The following IGSF11 variants were observed in gnomAD, a reference collection of about 807,000 sequenced individuals.
IGSF11 encodes the protein CXADR like 1.
A neutral mutation model predicts 41.0 loss-of-function variants in IGSF11; 22 were observed. The ratio of observed to expected loss-of-function variants is 0.54; its 90% CI spans 0.38 to 0.77. IGSF11 has a LOEUF of 0.77. Ranked by LOEUF, IGSF11 falls within the 30% of genes least tolerant of loss-of-function variation. The pLI, the probability that IGSF11 is intolerant of heterozygous loss-of-function variation, is 0.00. For synonymous variants in IGSF11, 219 were observed against 201.3 expected (o/e 1.09, Z -0.74); for missense variants, 444 against 530.8 (o/e 0.84, Z 1.61).
At chr3:118,947,589 G>A (rs1029811364) in intron 1 of IGSF11, 15 of 152,090 alleles carry the variant, frequency 9.9e-5, no homozygotes, top group African/African-American at 2.7e-4. Flanking sequence ...ATTTTCATGT[G>A]AGCGTTTTGA....
chr3:119,129,284 CT>C (rs976448378), intron 1 of IGSF11, among the ~76,000 whole-genome samples: 13 of 151,990 alleles, frequency 8.6e-5, no homozygotes, highest in Admixed American at 7.2e-4. Flanking sequence ...TATCCCGTTT[CT>C]TTTTTAGAAG....
intron 1 of IGSF11, among the ~76,000 whole-genome samples, chr3:119,095,887 T>C (rs1360498522): frequency 2.0e-5 from 3 of 152,200 alleles, no homozygotes. Flanking sequence ...CTTTCATTCT[T>C]GGTATACCCA....
intron 1 of IGSF11, among the ~76,000 whole-genome samples, chr3:118,944,368 C>G (rs1206820780): frequency 1.3e-5 from 2 of 151,682 alleles, no homozygotes; most frequent in South Asian, 4.2e-4. Flanking sequence ...TCTTACAGTA[C>G]TTTCTTCCAC....
chr3:119,114,255 G>T (rs1267094281), intron 1 of IGSF11, among the ~76,000 whole-genome samples: 1 of 152,264 alleles, frequency 6.6e-6, no homozygotes, highest in East Asian at 1.9e-4. Context: ...CCAGAAAATG[G>T]GTTTTTCCTT....
intron 1 of IGSF11, among the ~76,000 whole-genome samples, chr3:119,066,213 TC>T (rs1209936725): frequency 1.3e-5 from 2 of 152,168 alleles, no homozygotes; most frequent in African/African-American, 2.4e-5. Context: ...ATCTCAAAAT[TC>T]TTAATTAAAT....
chr3:119,144,143 T>C (rs2077687417), intron 1 of IGSF11, among the ~76,000 whole-genome samples: 1 of 152,080 alleles, frequency 6.6e-6, no homozygotes, highest in African/African-American at 2.4e-5. Context: ...CTCAACCTCC[T>C]GGTCTCAAGC....
intron 1 of IGSF11, among the ~76,000 whole-genome samples, chr3:119,111,104 G>A (rs1408262506): frequency 1.1e-4 from 16 of 151,914 alleles, no homozygotes; most frequent in South Asian, 2.1e-4. Flanking sequence ...TCTTTATGGC[G>A]TTCTCTGTAT....
At chr3:119,017,209 G>A (rs1204014971) in intron 1 of IGSF11, among the ~76,000 whole-genome samples, 1 of 152,286 alleles carries the variant, frequency 6.6e-6, no homozygotes, top group East Asian at 1.9e-4. Flanking sequence ...GATACCTTCT[G>A]AGAAATGTAT....
At chr3:119,008,039 C>A (rs756491599) in intron 1 of IGSF11, among the ~76,000 whole-genome samples, 6 of 152,032 alleles carry the variant, frequency 3.9e-5, no homozygotes, top group Non-Finnish European at 5.9e-5. Flanking sequence ...CCATTCACTC[C>A]CCTCTACAGA....
At chr3:119,067,251 T>G (rs993609815) in intron 1 of IGSF11, among the ~76,000 whole-genome samples, 1 of 152,174 alleles carries the variant, frequency 6.6e-6, no homozygotes, top group African/African-American at 2.4e-5. Context: ...CGGAGCTGGG[T>G]TGGAGCTGAG....
At chr3:118,923,489 A>G (rs559650661) in intron 4 of IGSF11, among the ~76,000 whole-genome samples, 1 of 152,178 alleles carries the variant, frequency 6.6e-6, no homozygotes, top group African/African-American at 2.4e-5. Context: ...TATAGTTTAT[A>G]TTGTTTCATC....
intron 1 of IGSF11, among the ~76,000 whole-genome samples, chr3:119,138,846 T>A (rs1375725508): frequency 6.6e-6 from 1 of 151,592 alleles, no homozygotes; most frequent in Non-Finnish European, 1.5e-5. Flanking sequence ...AGCTAGAGAG[T>A]AGAAGGATGG....
chr3:118,902,466 C>CCT lies in IGSF11; in HGVS notation c.*53_*54insAG. ...CAGCACTCCCCACCCCACCCTCCCC[C>CCT]TTGTATGAGGGCATTCCATTTATTC... On this transcript the variant is annotated 3_prime_UTR_variant, in exon 7 of 7. Coordinates refer to ENST00000393775, the MANE Select transcript of IGSF11 (RefSeq NM_001015887.3). 10 of 878,254 alleles carry CCT rather than the reference C, an allele frequency of 1.1e-5. No homozygotes were observed. The highest frequency in any genetic ancestry group is 4.5e-5 in the South Asian group (3 of 66,014). 54.4% of individuals were successfully genotyped at this position (878,254 alleles called of 1,614,324 possible). A position where few individuals can be genotyped will look rare whatever the true frequency, so the allele number is the denominator to read the frequency against.
chr3:118,941,186 T>C (rs1293859255), intron 1 of IGSF11, among the ~76,000 whole-genome samples: 1 of 152,020 alleles, frequency 6.6e-6, no homozygotes, highest in Non-Finnish European at 1.5e-5. Context: ...AAGACACTAT[T>C]AAGAAAATAA....
chr3:118,935,361 C>T (rs1340661817), intron 1 of IGSF11, among the ~76,000 whole-genome samples: 2 of 135,314 alleles, frequency 1.5e-5, no homozygotes, highest in African/African-American at 2.9e-5. Flanking sequence ...CATGTATATA[C>T]ACCCTGAGAT....
chr3:118,991,001 T>C (rs1366396064), intron 1 of IGSF11, among the ~76,000 whole-genome samples: 1 of 152,126 alleles, frequency 6.6e-6, no homozygotes, highest in Non-Finnish European at 1.5e-5. Context: ...AATTACCTAG[T>C]CTCTAAGGAA....
At chr3:119,044,473 T>C (rs1454030060) in intron 1 of IGSF11, among the ~76,000 whole-genome samples, 3 of 151,980 alleles carry the variant, frequency 2.0e-5, no homozygotes, top group African/African-American at 7.2e-5. Context: ...ATCTAAAAGT[T>C]TGGAAAAAGT....
At chr3:118,942,874 G>A (rs1369631084) in intron 1 of IGSF11, among the ~76,000 whole-genome samples, 1 of 152,172 alleles carries the variant, frequency 6.6e-6, no homozygotes, top group Non-Finnish European at 1.5e-5. Context: ...GGGCAGAGGA[G>A]GTAGGAGGGG....
chr3:119,105,127 A>T, intron 1 of IGSF11: 1 of 1,569,530 alleles, frequency 6.4e-7, no homozygotes. Context: ...AAACTTTTCC[A>T]ATGTCAAGTC....
Sources: gnomAD v4.1 joint callset for allele counts (sites outside exome capture counted in the v4.1 genomes callset) on GRCh38, gnomAD v4.1.1 for gene constraint, MANE v1.5 for transcripts, NCBI Gene and HGNC (gene_info 2026-07-23, HGNC 2026-07-21) for gene names.